The following EXOC4 variants were observed in gnomAD, a reference collection of about 807,000 sequenced individuals.
The protein encoded by EXOC4 is SEC8-like 1.
In EXOC4, 71 loss-of-function variants were observed where a neutral mutation model predicts 107.2. The observed-to-expected ratio is 0.66, with a 90% CI of 0.55 to 0.81. EXOC4 has a LOEUF of 0.81. Among genes scored for constraint, EXOC4 ranks in the 30% least tolerant of loss-of-function variants. The pLI, the probability that EXOC4 is intolerant of heterozygous loss-of-function variation, is 0.00. For synonymous variants in EXOC4, 456 were observed against 441.2 expected (o/e 1.03, Z -0.42); for missense variants, 1,108 against 1,189.6 (o/e 0.93, Z 1.01).
At chr7:133,433,300 A>G (rs375148765) in intron 7 of EXOC4, among the ~76,000 whole-genome samples, 30 of 152,206 alleles carry the variant, frequency 2.0e-4, no homozygotes, top group African/African-American at 6.3e-4. Flanking sequence ...TCGTCATCCA[A>G]TTGCTATTGG....
At chr7:133,588,496 A>G (rs963535874) in intron 9 of EXOC4, among the ~76,000 whole-genome samples, 1 of 152,110 alleles carries the variant, frequency 6.6e-6, no homozygotes, top group Non-Finnish European at 1.5e-5. Context: ...ACTATTCTCT[A>G]TTTGCTCTAT....
chr7:133,754,514 C>T (rs1458707874), intron 10 of EXOC4, among the ~76,000 whole-genome samples: 1 of 151,990 alleles, frequency 6.6e-6, no homozygotes, highest in Non-Finnish European at 1.5e-5. Context: ...CTGGGTGACA[C>T]TTTAGGGAAC....
intron 7 of EXOC4, among the ~76,000 whole-genome samples, chr7:133,440,197 T>A (rs964621289): frequency 1.3e-5 from 2 of 152,188 alleles, no homozygotes; most frequent in African/African-American, 4.8e-5. Context: ...AACACTACAA[T>A]GGCTTTCTTA....
At chr7:133,872,142 G>A (rs1321056330) in intron 11 of EXOC4, among the ~76,000 whole-genome samples, 3 of 152,006 alleles carry the variant, frequency 2.0e-5, no homozygotes, top group Non-Finnish European at 4.4e-5. Context: ...ATCAGGAAGG[G>A]AGACAAATAA....
At chr7:133,258,719 C>T (rs912337906) in intron 1 of EXOC4, among the ~76,000 whole-genome samples, 4 of 152,050 alleles carry the variant, frequency 2.6e-5, no homozygotes, top group Admixed American at 2.6e-4. Context: ...ATAACCTTGA[C>T]GCGTTGACTG....
intron 9 of EXOC4, among the ~76,000 whole-genome samples, chr7:133,488,613 T>G (rs1055739468): frequency 6.6e-6 from 1 of 152,178 alleles, no homozygotes; most frequent in Non-Finnish European, 1.5e-5. Flanking sequence ...AAATTGGATT[T>G]GTACCTCATA....
chr7:133,974,120 T>C (rs1793767034), intron 14 of EXOC4, among the ~76,000 whole-genome samples: 2 of 152,204 alleles, frequency 1.3e-5, no homozygotes, highest in Non-Finnish European at 2.9e-5. Flanking sequence ...CCCATGCTTT[T>C]TGAGGGACAC....
intron 10 of EXOC4, among the ~76,000 whole-genome samples, chr7:133,746,200 T>C (rs1436899419): frequency 6.6e-6 from 1 of 152,160 alleles, no homozygotes; most frequent in South Asian, 2.1e-4. Context: ...GTTTTTCTTG[T>C]TAGCTTTTAA....
chr7:133,656,101 C>T (rs1032551391), intron 10 of EXOC4, among the ~76,000 whole-genome samples: 3 of 152,072 alleles, frequency 2.0e-5, no homozygotes, highest in African/African-American at 7.2e-5. Flanking sequence ...GCAATCCATC[C>T]TTGACCGAAA....
At position 133,589,470 on chromosome 7, in the gene EXOC4, T is replaced by C. The variant is rs148797713; in HGVS notation, c.1418-40575T>C. 7.0e-3 allele frequency among the ~76,000 whole-genome samples: 1,064 copies of C among 152,324 alleles called. 16 individuals carry two copies. Among genetic ancestry groups the C allele is most frequent in the African/African-American group, 0.024 (1,017 of 41,572 alleles). ...CTTCAGGATCACACTGGTAAAGCCA[T>C]GTCCTGTCTCCTGCTACAGTTCTTC... On this transcript the variant is annotated intron_variant, in intron 9 of 17. Coordinates refer to ENST00000253861, the MANE Select transcript of EXOC4 (RefSeq NM_021807.4).
In EXOC4 at chr7:133,835,429, G is replaced by C. The variant is rs141990256; in HGVS notation, c.1734+17885G>C. Among the ~76,000 whole-genome samples the C allele has an allele frequency of 2.4e-3, 367 of 152,202 alleles. 5 individuals carry two copies. The highest frequency in any genetic ancestry group is 8.3e-3 in the African/African-American group (343 of 41,486). ...CCAGAAAGGTGGGACAGTTCGAAGT[G>C]GGACGGGGCTTTGTGTTCATAGGTA... On this transcript the variant is annotated intron_variant, in intron 11 of 17. Transcript: ENST00000253861.
intron 5 of EXOC4, among the ~76,000 whole-genome samples, chr7:133,324,081 G>A (rs562035912): frequency 1.1e-4 from 16 of 152,118 alleles, no homozygotes; most frequent in Admixed American, 5.2e-4. Flanking sequence ...TTTTTATTGC[G>A]TCTGTTTGAT....
chr7:133,703,270 A>G (rs1223517502), intron 10 of EXOC4, among the ~76,000 whole-genome samples: 1 of 152,202 alleles, frequency 6.6e-6, no homozygotes. Flanking sequence ...CCTTTTGAAT[A>G]TCTTCCACAA....
At chr7:133,263,305 C>G (rs1470615609) in intron 1 of EXOC4, among the ~76,000 whole-genome samples, 1 of 149,452 alleles carries the variant, frequency 6.7e-6, no homozygotes, top group Non-Finnish European at 1.5e-5. Flanking sequence ...TACAAGAAGC[C>G]AATTGTAATT....
chr7:133,557,396 T>C (rs1450199416), intron 9 of EXOC4, among the ~76,000 whole-genome samples: 1 of 152,220 alleles, frequency 6.6e-6, no homozygotes, highest in Non-Finnish European at 1.5e-5. Context: ...AGTTGTGTAT[T>C]GATTCTCTGC....
At chr7:133,884,829 A>G (rs1799046730) in intron 11 of EXOC4, among the ~76,000 whole-genome samples, 1 of 152,158 alleles carries the variant, frequency 6.6e-6, no homozygotes, top group African/African-American at 2.4e-5. Context: ...TAAAACTTTA[A>G]AATCAGCACA....
At chr7:133,370,786 G>A (rs1796358167) in intron 6 of EXOC4, among the ~76,000 whole-genome samples, 1 of 152,166 alleles carries the variant, frequency 6.6e-6, no homozygotes, top group South Asian at 2.1e-4. Context: ...TTTAGACGAA[G>A]GAAACTTGAA....
At chr7:133,686,478 A>G (rs555223316) in intron 10 of EXOC4, among the ~76,000 whole-genome samples, 2 of 152,276 alleles carry the variant, frequency 1.3e-5, no homozygotes, top group African/African-American at 4.8e-5. Flanking sequence ...GAAACTTAAC[A>G]TTTGTTTTGT....
intron 12 of EXOC4, among the ~76,000 whole-genome samples, chr7:133,896,882 C>T (rs1166227139): frequency 2.3e-5 from 2 of 85,528 alleles, no homozygotes; most frequent in Non-Finnish European, 4.2e-5. Context: ...CCAGGCTGGT[C>T]GCGAATTCCT....
Sources: gnomAD v4.1 joint callset for allele counts (sites outside exome capture counted in the v4.1 genomes callset) on GRCh38, gnomAD v4.1.1 for gene constraint, MANE v1.5 for transcripts, NCBI Gene and HGNC (gene_info 2026-07-23, HGNC 2026-07-21) for gene names.